Variants in SARAF observed in about 807,000 individuals in gnomAD.
SARAF encodes the protein store-operated calcium entry associated regulatory factor, also known as store-operated calcium entry-associated regulatory factor.
In SARAF, 23 loss-of-function variants were observed where a neutral mutation model predicts 39.7. That is an observed-to-expected ratio of 0.58 (90% CI 0.42 to 0.82). The LOEUF (loss-of-function observed/expected upper bound fraction) is 0.82. Among genes scored for constraint, SARAF ranks in the 40% least tolerant of loss-of-function variants. The probability of loss-of-function intolerance (pLI) is 0.00; values close to 1 mark genes in which losing one functional copy is unlikely to be tolerated. For synonymous variants in SARAF, 175 were observed against 168.5 expected, an observed-to-expected ratio of 1.04 and a Z score of -0.30; for missense variants, 384 against 418.5, an observed-to-expected ratio of 0.92 and a Z score of 0.72.
intron 2 of SARAF, among the ~76,000 whole-genome samples, chr8:30,071,914 T>C (rs1406913268): frequency 2.0e-5 from 3 of 152,258 alleles, no homozygotes; most frequent in Non-Finnish European, 2.9e-5. Flanking sequence ...GCTATGTATA[T>C]TTGTATGCAA....
At chr8:30,077,751 A>G (rs1162386821) in intron 1 of SARAF, among the ~76,000 whole-genome samples, 2 of 151,302 alleles carry the variant, frequency 1.3e-5, no homozygotes, top group South Asian at 2.1e-4. Context: ...GCAGTGAGCC[A>G]AGATTGTGCC....
intron 2 of SARAF, among the ~76,000 whole-genome samples, chr8:30,071,767 C>T (rs1021131320): frequency 2.2e-4 from 34 of 152,272 alleles, no homozygotes; most frequent in African/African-American, 7.5e-4. Flanking sequence ...GATTCATCCA[C>T]GTTGTAGCAT....
intron 3 of SARAF, among the ~76,000 whole-genome samples, chr8:30,068,698 G>C (rs1585435359): frequency 1.3e-5 from 2 of 152,100 alleles, no homozygotes; most frequent in South Asian, 4.1e-4. Flanking sequence ...GTCCTCTTTG[G>C]AGGGCCTGTC....
intron 5 of SARAF, 55 bp downstream of exon 5, chr8:30,065,933 A>G (rs1370338321): frequency 6.3e-7 from 1 of 1,578,864 alleles, no homozygotes; most frequent in Non-Finnish European, 8.6e-7. Context: ...AAAGTTCCCA[A>G]ACTATTTCTG....
At chr8:30,069,526 T>C (rs1801779192) in intron 3 of SARAF, 116 bp downstream of exon 3, 1 of 1,096,030 alleles carries the variant, frequency 9.1e-7, no homozygotes, top group South Asian at 1.5e-5. Context: ...AAAAACAAAA[T>C]GAGAAGACAA....
At chr8:30,073,614 T>C in intron 2 of SARAF, 1 of 356,186 alleles carries the variant, frequency 2.8e-6, no homozygotes. Context: ...CACCCTCAAG[T>C]ATATAAAAAG....
intron 2 of SARAF, among the ~76,000 whole-genome samples, chr8:30,072,697 AATGT>A (rs1801874885): frequency 6.6e-6 from 1 of 152,164 alleles, no homozygotes; most frequent in Admixed American, 6.5e-5. Context: ...AACATAAGCC[AATGT>A]ATGATATGCT....
rs1017919371 is a variant in SARAF, at chr8:30,082,835, G to A, written c.103+12C>T. On this transcript the variant is annotated intron_variant, in intron 1 of 5. Coordinates refer to ENST00000256255, the MANE Select transcript of SARAF (RefSeq NM_016127.6). ...GGCGAACGAAGCGCCTGAGGGCCCT[G>A]GCAGCACTCACCAGGGTCGTTCCAG... The A allele has an allele frequency of 4.1e-6, 6 of 1,457,704 alleles. No homozygotes were observed. The highest frequency in any genetic ancestry group is 5.5e-6 in the Non-Finnish European group (6 of 1,087,146). The allele number at this position is 1,457,704 out of a possible 1,614,324, so 90.3% of individuals were successfully genotyped here.
intron 2 of SARAF, among the ~76,000 whole-genome samples, chr8:30,070,504 G>C (rs1801815134): frequency 1.3e-5 from 2 of 152,210 alleles, no homozygotes; most frequent in Non-Finnish European, 2.9e-5. Flanking sequence ...AAGTATTCAT[G>C]TCTAAGGGAA....
intron 5 of SARAF, among the ~76,000 whole-genome samples, chr8:30,064,547 A>AT (rs1319036441): frequency 0.067 from 2,469 of 36,644 alleles, 546 homozygotes; most frequent in Non-Finnish European, 0.095. Context: ...ATATATATAT[A>AT]TATATATATA....
At position 30,081,359 on chromosome 8, in the gene SARAF, T is replaced by C. The variant is rs79430161; in HGVS notation, c.103+1488A>G. The stretch of plus-strand genomic sequence containing the variant: ...TGGCTCTTCAACTGTAAACTTCCTT[T>C]ATTAAATTTATTTACGAACTGATTC... On this transcript the variant is annotated intron_variant, in intron 1 of 5. Transcript: ENST00000256255. 5.1e-4 allele frequency among the ~76,000 whole-genome samples: 78 copies of C among 152,352 alleles called. No homozygotes were observed. In the East Asian group the frequency reaches 0.014, roughly 27 times the overall value.
chr8:30,076,278 T>C (rs1801965035), intron 1 of SARAF, among the ~76,000 whole-genome samples: 1 of 152,242 alleles, frequency 6.6e-6, no homozygotes, highest in Non-Finnish European at 1.5e-5. Context: ...GCACTCTGAC[T>C]GCTGAAAGCA....
intron 1 of SARAF, among the ~76,000 whole-genome samples, chr8:30,080,236 C>A (rs1290343333): frequency 6.6e-6 from 1 of 152,210 alleles, no homozygotes; most frequent in East Asian, 1.9e-4. Flanking sequence ...ACTTACTGTA[C>A]AATATTAAAA....
At position 30,066,135 on chromosome 8, in the gene SARAF, C is replaced by T. The variant is rs759875580; in HGVS notation, c.847G>A (p.Ala283Thr). 3.1e-6 allele frequency: 5 copies of T among 1,613,694 alleles called. No individual in the cohort carries two copies. The highest frequency in any genetic ancestry group is 1.1e-5 in the South Asian group (1 of 91,044). The change falls in exon 5 of 6, where the codon GCA becomes ACA. Residue 283 changes from alanine (A) to threonine (T), a missense_variant. By Grantham distance (58) the Ala-to-Thr change is moderately conservative (BLOSUM62 0). Transcript: ENST00000256255. ...TACCACGAGTCTGAGAAGGGTGTTG[C>T]CGCTCTTTAAAGGGATAAAAGTAGG... is the stretch of plus-strand genomic sequence containing the variant. ...LGYLFGSNRA[A>T]TPFSDSWYYP...
chr8:30,082,229 C>G (rs1802117698), intron 1 of SARAF: 1 of 152,152 alleles, frequency 6.6e-6, no homozygotes, highest in Non-Finnish European at 1.5e-5. Flanking sequence ...TCTCAGCTAC[C>G]GGTGAGGCCG....
intron 1 of SARAF, among the ~76,000 whole-genome samples, chr8:30,074,796 C>T (rs1338107990): frequency 1.1e-4 from 17 of 152,042 alleles, no homozygotes; most frequent in Non-Finnish European, 1.0e-4. Context: ...GCAAATATGG[C>T]AAAATATAAA....
At chr8:30,075,841 C>G (rs59152477) in intron 1 of SARAF, among the ~76,000 whole-genome samples, 41 of 151,476 alleles carry the variant, frequency 2.7e-4, no homozygotes, top group Admixed American at 1.4e-3. Flanking sequence ...TCAGGTAAAA[C>G]GAAAGAGGAG....
chr8:30,077,322 G>T (rs1482162955), intron 1 of SARAF, among the ~76,000 whole-genome samples: 1 of 152,112 alleles, frequency 6.6e-6, no homozygotes, highest in Non-Finnish European at 1.5e-5. Flanking sequence ...GCCAGGTATG[G>T]TGGCACACAC....
In SARAF at chr8:30,067,203, C is replaced by T. The variant is rs16876405; in HGVS notation, c.701-285G>A. 7.0e-3 allele frequency: 2,404 copies of T among 342,478 alleles called. 67 individuals are homozygous for T. Among genetic ancestry groups the T allele is most frequent in the African/African-American group, 0.047 (2,242 of 47,358 alleles). The allele number at this position is 342,478 out of a possible 1,614,324, so 21.2% of individuals were successfully genotyped here. A position where few individuals can be genotyped will look rare whatever the true frequency, so the allele number is the denominator to read the frequency against. ...TGCTCAATCAGCTACTAGAAAATCA[C>T]CCCACTTTTCAGGGTTACTTTCTCT... On this transcript the variant is annotated intron_variant, in intron 3 of 5. Coordinates refer to ENST00000256255, the MANE Select transcript of SARAF (RefSeq NM_016127.6).
Sources: allele counts gnomAD v4.1 joint callset (sites outside exome capture counted in the v4.1 genomes callset), GRCh38; gene constraint gnomAD v4.1.1; transcripts MANE v1.5; gene names NCBI Gene and HGNC (gene_info 2026-07-23, HGNC 2026-07-21).